The following PARD3 variants were observed in gnomAD, a reference collection of about 807,000 sequenced individuals.
The protein encoded by PARD3 is partitioning defective 3 homolog.
A neutral mutation model predicts 155.4 loss-of-function variants in PARD3; 75 were observed. The ratio of observed to expected loss-of-function variants is 0.48; its 90% confidence interval spans 0.40 to 0.58. PARD3 has a LOEUF of 0.58. PARD3 is among the 20% of genes least tolerant of loss of function. PARD3 has a pLI of 0.00. For missense variants in PARD3, 1,642 were observed against 1,721.7 expected, an observed-to-expected ratio of 0.95 and a Z score of 0.82; for synonymous variants, 576 against 610.5, an observed-to-expected ratio of 0.94 and a Z score of 0.83.
chr10:34,687,233 A>G (rs1390262825), intron 2 of PARD3, among the ~76,000 whole-genome samples: 1 of 152,128 alleles, frequency 6.6e-6, no homozygotes, highest in African/African-American at 2.4e-5. Context: ...TTACCATAAG[A>G]GGCACCAAAA....
At chr10:34,574,083 A>G (rs2086692838) in intron 2 of PARD3, among the ~76,000 whole-genome samples, 1 of 152,056 alleles carries the variant, frequency 6.6e-6, no homozygotes, top group Non-Finnish European at 1.5e-5. Flanking sequence ...ATATTCTATA[A>G]GAATTCAGGT....
intron 18 of PARD3, among the ~76,000 whole-genome samples, chr10:34,331,708 G>C (rs941638069): frequency 6.6e-6 from 1 of 152,026 alleles, no homozygotes; most frequent in Non-Finnish European, 1.5e-5. Context: ...ATGAGGAGAA[G>C]GCTAAGGTCA....
At chr10:34,521,427 A>G (rs1257896315) in intron 2 of PARD3, among the ~76,000 whole-genome samples, 1 of 151,734 alleles carries the variant, frequency 6.6e-6, no homozygotes, top group Non-Finnish European at 1.5e-5. Flanking sequence ...AAAAATCTCC[A>G]TCATGCCCTT....
chr10:34,814,043 C>T (rs1371398906), intron 1 of PARD3, among the ~76,000 whole-genome samples: 1 of 152,258 alleles, frequency 6.6e-6, no homozygotes, highest in Middle Eastern at 3.2e-3. Context: ...ATCCACTCAA[C>T]TCCCAAGTCA....
At chr10:34,187,625 G>C (rs1004184045) in intron 22 of PARD3, among the ~76,000 whole-genome samples, 24 of 152,182 alleles carry the variant, frequency 1.6e-4, no homozygotes, top group African/African-American at 5.5e-4. Flanking sequence ...TGTAAATTTA[G>C]CCCCTAAAAT....
chr10:34,750,791 T>C (rs987534762), intron 1 of PARD3, among the ~76,000 whole-genome samples: 2 of 151,210 alleles, frequency 1.3e-5, no homozygotes, highest in Non-Finnish European at 2.9e-5. Flanking sequence ...CGGGTTCAAG[T>C]GATTCTCCTG....
chr10:34,689,093 A>G (rs1198752227), intron 2 of PARD3, among the ~76,000 whole-genome samples: 1 of 152,206 alleles, frequency 6.6e-6, no homozygotes, highest in Non-Finnish European at 1.5e-5. Context: ...GATATTCACA[A>G]AACAGGACAT....
chr10:34,787,423 G>A (rs1203656349), intron 1 of PARD3, among the ~76,000 whole-genome samples: 1 of 152,148 alleles, frequency 6.6e-6, no homozygotes, highest in Non-Finnish European at 1.5e-5. Context: ...CTTAAGGAAA[G>A]ACAAGGTACT....
chr10:34,195,902 C>A (rs985568433), intron 22 of PARD3, among the ~76,000 whole-genome samples: 26 of 152,132 alleles, frequency 1.7e-4, no homozygotes, highest in African/African-American at 5.1e-4. Flanking sequence ...GTACGGTACA[C>A]GTGGATAACA....
chr10:34,797,090 C>T (rs893295105), intron 1 of PARD3, among the ~76,000 whole-genome samples: 1 of 152,214 alleles, frequency 6.6e-6, no homozygotes, highest in African/African-American at 2.4e-5. Context: ...TATTTGCCAA[C>T]AACAGCCAGG....
intron 22 of PARD3, among the ~76,000 whole-genome samples, chr10:34,212,401 A>C (rs1951796632): frequency 6.6e-6 from 1 of 152,144 alleles, no homozygotes; most frequent in Non-Finnish European, 1.5e-5. Context: ...CCCTGACAGC[A>C]ATGTCTGCTA....
At chr10:34,610,370 T>C (rs536240695) in intron 2 of PARD3, among the ~76,000 whole-genome samples, 1 of 152,268 alleles carries the variant, frequency 6.6e-6, no homozygotes, top group Non-Finnish European at 1.5e-5. Flanking sequence ...GTCACTACAT[T>C]CTGTCACTGT....
At chr10:34,564,148 C>A (rs1324690246) in intron 2 of PARD3, among the ~76,000 whole-genome samples, 1 of 152,096 alleles carries the variant, frequency 6.6e-6, no homozygotes, top group Non-Finnish European at 1.5e-5. Flanking sequence ...TAATTTCAAC[C>A]CCAAAGCATT....
chr10:34,814,770 T>G, intron 1 of PARD3, 106 bp downstream of exon 1: 1 of 1,030,382 alleles, frequency 9.7e-7, no homozygotes, highest in Non-Finnish European at 1.3e-6. Context: ...CACTTTCCCT[T>G]TCCCCGCCTC....
intron 10 of PARD3, among the ~76,000 whole-genome samples, chr10:34,376,882 AATACAGACTAT>A (rs1256546009): frequency 6.6e-6 from 1 of 152,234 alleles, no homozygotes; most frequent in African/African-American, 2.4e-5. Flanking sequence ...TGCTAATAAA[AATACAGACTAT>A]ATTTTCTTTA....
intron 22 of PARD3, among the ~76,000 whole-genome samples, chr10:34,222,293 A>C (rs779945649): frequency 2.0e-5 from 3 of 152,190 alleles, no homozygotes; most frequent in Non-Finnish European, 2.9e-5. Context: ...GCTAGCACCG[A>C]CCAGCAGCCA....
intron 20 of PARD3, among the ~76,000 whole-genome samples, chr10:34,294,200 A>T (rs1208992581): frequency 6.6e-6 from 1 of 152,244 alleles, no homozygotes; most frequent in African/African-American, 2.4e-5. Flanking sequence ...AAACACACGC[A>T]CAAGGTAAGG....
chr10:34,664,059 T>C (rs891605078), intron 2 of PARD3: 1 of 152,268 alleles, frequency 6.6e-6, no homozygotes, highest in African/African-American at 2.4e-5. Context: ...AGGGAGTGTG[T>C]CCAGCTGCGA....
chr10:34,443,754 T>C (rs566477321), intron 5 of PARD3, among the ~76,000 whole-genome samples: 1 of 152,208 alleles, frequency 6.6e-6, no homozygotes, highest in Admixed American at 6.5e-5. Context: ...AACCACAACA[T>C]GTATCATGTG....
Sources: allele counts gnomAD v4.1 joint callset (sites outside exome capture counted in the v4.1 genomes callset), GRCh38; gene constraint gnomAD v4.1.1; transcripts MANE v1.5; gene names NCBI Gene and HGNC (gene_info 2026-07-23, HGNC 2026-07-21).